Variants in CTNNA3 observed in about 807,000 individuals in gnomAD.
The protein encoded by CTNNA3 is catenin alpha-3.
A neutral mutation model predicts 95.7 loss-of-function variants in CTNNA3; 76 were observed. The observed-to-expected ratio is 0.79, with a 90% CI of 0.66 to 0.96. The LOEUF (loss-of-function observed/expected upper bound fraction) is 0.96. CTNNA3 is among the 40% of genes least tolerant of loss of function. CTNNA3 has a pLI of 0.00. For missense variants in CTNNA3, 1,191 were observed against 1,089.8 expected, an observed-to-expected ratio of 1.09 and a Z score of -1.31; for synonymous variants, 431 against 374.4, an observed-to-expected ratio of 1.15 and a Z score of -1.74.
At chr10:66,190,060 C>G (rs2086587735) in intron 13 of CTNNA3, among the ~76,000 whole-genome samples, 1 of 152,074 alleles carries the variant, frequency 6.6e-6, no homozygotes, top group Non-Finnish European at 1.5e-5. Context: ...TGTGAAACTA[C>G]AGAGCCAAGA....
At chr10:66,429,328 A>C (rs2093273934) in intron 11 of CTNNA3, among the ~76,000 whole-genome samples, 1 of 152,174 alleles carries the variant, frequency 6.6e-6, no homozygotes, top group Admixed American at 6.6e-5. Flanking sequence ...AAAGATACAA[A>C]GAGGAGCTGG....
At chr10:66,515,720 G>T (rs1156558295) in intron 11 of CTNNA3, among the ~76,000 whole-genome samples, 1 of 152,014 alleles carries the variant, frequency 6.6e-6, no homozygotes, top group Non-Finnish European at 1.5e-5. Context: ...TGGCAGGAAG[G>T]AGAATGAGAG....
chr10:66,033,317 A>G (rs1013665470), intron 15 of CTNNA3, among the ~76,000 whole-genome samples: 5 of 151,000 alleles, frequency 3.3e-5, no homozygotes, highest in African/African-American at 1.2e-4. Context: ...TTGTATTTTT[A>G]GTAGAGACAG....
At chr10:67,117,987 GCA>G (rs1393417925) in intron 7 of CTNNA3, among the ~76,000 whole-genome samples, 1 of 151,948 alleles carries the variant, frequency 6.6e-6, no homozygotes, top group Non-Finnish European at 1.5e-5. Flanking sequence ...ACACATTACA[GCA>G]AATAATCAAC....
At chr10:66,859,049 A>G (rs183662088) in intron 7 of CTNNA3, among the ~76,000 whole-genome samples, 3 of 152,220 alleles carry the variant, frequency 2.0e-5, no homozygotes, top group Admixed American at 6.6e-5. Context: ...GGGGTGATGC[A>G]TCAATCATTG....
Position 66,296,628 on chromosome 10 carries a change from C to T in CTNNA3, c.1733-16007G>A, listed in dbSNP as rs112547374. ...ATCTATATCTATACACACACACACA[C>T]GCATGCACAAAAATCATGCCTGTTG... On this transcript the variant is annotated intron_variant, in intron 12 of 17. Coordinates refer to ENST00000433211, the MANE Select transcript of CTNNA3 (RefSeq NM_013266.4). Among the ~76,000 whole-genome samples, 4 of 151,364 alleles carry T rather than the reference C, an allele frequency of 2.6e-5. No individual in the cohort carries two copies. The South Asian group carries it at 6.3e-4, about 24-fold the overall frequency.
chr10:66,927,978 A>C lies in CTNNA3; in HGVS notation c.1048-152454T>G. ...TGCAAGGAGTAAATGTGATCGATGCAGTGAAGAACTACAGCATCTGTGGCA... is the reference window on the plus strand; with the variant it reads ...TGCAAGGAGTAAATGTGATCGATGCCGTGAAGAACTACAGCATCTGTGGCA... On this transcript the variant is annotated intron_variant, in intron 7 of 17. Transcript: ENST00000433211. The surrounding 1 kb of genome is among the most constrained non-coding windows in gnomAD (Gnocchi z 4.7). 1 of 1,614,238 alleles carries C rather than the reference A, an allele frequency of 6.2e-7. No homozygotes were observed. The highest frequency in any genetic ancestry group is 8.5e-7 in the Non-Finnish European group (1 of 1,180,040).
At chr10:66,475,581 A>G (rs1355723728) in intron 11 of CTNNA3, among the ~76,000 whole-genome samples, 1 of 152,112 alleles carries the variant, frequency 6.6e-6, no homozygotes, top group Admixed American at 6.6e-5. Context: ...TCAAAAAAAG[A>G]TGTTCATGTG....
chr10:66,193,909 A>C (rs2086811224), intron 13 of CTNNA3, among the ~76,000 whole-genome samples: 1 of 152,192 alleles, frequency 6.6e-6, no homozygotes, highest in East Asian at 1.9e-4. Flanking sequence ...ACTCAAGAAT[A>C]TATTGTCCAT....
At chr10:67,150,974 C>G (rs1861062520) in intron 7 of CTNNA3, among the ~76,000 whole-genome samples, 1 of 152,172 alleles carries the variant, frequency 6.6e-6, no homozygotes, top group Admixed American at 6.5e-5. Flanking sequence ...AGTTCCAGCT[C>G]TACACACATC....
chr10:66,916,446 G>A (rs2132582286), intron 7 of CTNNA3, among the ~76,000 whole-genome samples: 1 of 152,240 alleles, frequency 6.6e-6, no homozygotes, highest in East Asian at 1.9e-4. Flanking sequence ...AAATTGAGAG[G>A]GAAGAGCAAG....
At chr10:67,133,399 A>G (rs992506729) in intron 7 of CTNNA3, among the ~76,000 whole-genome samples, 49 of 147,114 alleles carry the variant, frequency 3.3e-4, no homozygotes, top group African/African-American at 1.2e-3. Flanking sequence ...ACACACACAC[A>G]CACAATGGTA....
chr10:66,325,067 G>C (rs1352922807), intron 12 of CTNNA3, among the ~76,000 whole-genome samples: 1 of 151,824 alleles, frequency 6.6e-6, no homozygotes, highest in African/African-American at 2.4e-5. Flanking sequence ...GCTACACAGA[G>C]GAAGAATTTT....
At chr10:67,366,780 T>G (rs2132688116) in intron 5 of CTNNA3, among the ~76,000 whole-genome samples, 1 of 152,310 alleles carries the variant, frequency 6.6e-6, no homozygotes, top group Non-Finnish European at 1.5e-5. Flanking sequence ...CCCTATTCAA[T>G]AAATGATGCT....
chr10:66,360,662 C>CTTTTCTTT (rs1564896285), intron 12 of CTNNA3, among the ~76,000 whole-genome samples: 2 of 26,834 alleles, frequency 7.5e-5, no homozygotes, highest in African/African-American at 2.1e-4. Flanking sequence ...TTTCTTTCTT[C>CTTTTCTTT]CTTCCTTCCT....
chr10:66,591,381 T>C (rs1243309356), intron 10 of CTNNA3, among the ~76,000 whole-genome samples: 1 of 152,158 alleles, frequency 6.6e-6, no homozygotes, highest in Non-Finnish European at 1.5e-5. Flanking sequence ...TAATTAAATA[T>C]GGTCTATCAG....
intron 1 of CTNNA3, among the ~76,000 whole-genome samples, chr10:67,717,504 AG>A (rs1841151289): frequency 1.3e-5 from 2 of 152,196 alleles, no homozygotes; most frequent in South Asian, 4.1e-4. Flanking sequence ...ATAAGATGTA[AG>A]GACAAGGTCC....
At chr10:66,548,970 C>A (rs1842125198) in intron 10 of CTNNA3, among the ~76,000 whole-genome samples, 1 of 142,768 alleles carries the variant, frequency 7.0e-6, no homozygotes. Context: ...ATATGACTTG[C>A]CTTTCTCCAT....
At chr10:67,604,321 C>T (rs568410901) in intron 3 of CTNNA3, among the ~76,000 whole-genome samples, 1 of 152,212 alleles carries the variant, frequency 6.6e-6, no homozygotes, top group Admixed American at 6.5e-5. Flanking sequence ...GAGGGAGGTG[C>T]ATCACAGGAA....
Sources: allele counts gnomAD v4.1 joint callset (sites outside exome capture counted in the v4.1 genomes callset), GRCh38; gene constraint gnomAD v4.1.1; non-coding constraint Gnocchi (gnomAD v3.1); transcripts MANE v1.5; gene names NCBI Gene and HGNC (gene_info 2026-07-23, HGNC 2026-07-21).